The following ZNF860 variants were observed in gnomAD, a reference collection of about 807,000 sequenced individuals.
ZNF860 encodes zinc finger protein 860.
For synonymous variants in ZNF860, 206 were observed against 248.9 expected (o/e 0.83, Z 1.62); for missense variants, 641 against 759.2 (o/e 0.84, Z 1.83).
the ZNF860 span, among the ~76,000 whole-genome samples, chr3:32,002,565 C>T: frequency 6.6e-6 from 1 of 152,142 alleles, no homozygotes; most frequent in African/African-American, 2.4e-5. Context: ...CCAAAAACCC[C>T]TCCTCCAAAG....
downstream of ZNF860, among the ~76,000 whole-genome samples, chr3:31,995,561 G>T (rs998786543): frequency 6.6e-6 from 1 of 152,016 alleles, no homozygotes; most frequent in African/African-American, 2.4e-5. Context: ...ACTTCATATT[G>T]TTCAAACACA....
chr3:31,990,705 A>T lies in ZNF860; in HGVS notation c.1626A>T (p.Glu542Asp). Reference protein sequence around the residue: ...HTGEKPYKCEECDTVFSRKSH... With the variant: ...HTGEKPYKCEDCDTVFSRKSH... ...GAGAGAAACCTTACAAATGTGAAGA[A>T]TGTGACACAGTTTTCAGTCGCAAAT... is the stretch of plus-strand genomic sequence containing the variant. Residue 542 changes from glutamate (E) to aspartate (D), a missense_variant, in exon 2 of 2, where the codon GAA becomes GAT. Physicochemically the swap from Glu to Asp is conservative, Grantham distance 45. Coordinates refer to ENST00000360311, the MANE Select transcript of ZNF860 (RefSeq NM_001137674.3). 1 of 1,614,090 alleles carries T rather than the reference A, an allele frequency of 6.2e-7. No individual in the cohort carries two copies.
the ZNF860 span, among the ~76,000 whole-genome samples, chr3:32,003,238 T>G: frequency 6.6e-6 from 1 of 152,230 alleles, no homozygotes; most frequent in Non-Finnish European, 1.5e-5. Context: ...TGGCTAAGGT[T>G]AGAAAGCACA....
At chr3:31,994,351 A>C (rs1699066177), downstream of ZNF860, among the ~76,000 whole-genome samples, 1 of 152,216 alleles carries the variant, frequency 6.6e-6, no homozygotes, top group African/African-American at 2.4e-5. Context: ...ATAGAAACTC[A>C]TAGACTGTCC....
the ZNF860 span, among the ~76,000 whole-genome samples, chr3:31,997,901 C>T: frequency 6.6e-6 from 1 of 152,148 alleles, no homozygotes; most frequent in African/African-American, 2.4e-5. Context: ...AATCCTCCCA[C>T]CTTAGCCTCC....
intron 1 of ZNF860, among the ~76,000 whole-genome samples, chr3:31,982,576 G>T (rs956755755): frequency 2.6e-5 from 4 of 152,082 alleles, no homozygotes; most frequent in East Asian, 3.9e-4. Context: ...AGAGATGCAC[G>T]GAGAAGCTTC....
Position 31,990,639 on chromosome 3 carries a change from T to A in ZNF860, c.1560T>A (p.Asn520Lys). Residue 520 changes from asparagine to lysine, a missense_variant, in exon 2 of 2, where the codon AAT (asparagine) becomes AAA (lysine). Transcript: ENST00000360311. ...YKCNECGKVF[N>K]QQATLARHHR... ...GTAATGAATGTGGCAAGGTTTTTAATCAACAAGCAACCCTTGCACGTCATC... is the reference window on the plus strand; with the variant it reads ...GTAATGAATGTGGCAAGGTTTTTAAACAACAAGCAACCCTTGCACGTCATC... The A allele has an allele frequency of 6.2e-7, 1 of 1,614,108 alleles. No homozygotes were observed. Among genetic ancestry groups the A allele is most frequent in the Non-Finnish European group, 8.5e-7 (1 of 1,180,002 alleles).
downstream of ZNF860, among the ~76,000 whole-genome samples, chr3:31,996,497 C>CA (rs202233507): frequency 7.9e-6 from 1 of 126,222 alleles, no homozygotes; most frequent in African/African-American, 4.3e-5. Context: ...TATAAATTGC[C>CA]AGGGGGAGAA....
At chr3:31,997,731 T>G in the ZNF860 span, among the ~76,000 whole-genome samples, 2 of 152,070 alleles carry the variant, frequency 1.3e-5, no homozygotes. Context: ...AGTTAGTGCC[T>G]CTTCCTTGTC....
the ZNF860 span, among the ~76,000 whole-genome samples, chr3:32,004,848 T>C: frequency 6.6e-6 from 1 of 152,206 alleles, no homozygotes; most frequent in African/African-American, 2.4e-5. Context: ...TACAGGTGCA[T>C]AAAATTAAGT....
chr3:32,006,373 G>A, the ZNF860 span, among the ~76,000 whole-genome samples: 27 of 152,244 alleles, frequency 1.8e-4, no homozygotes, highest in African/African-American at 6.5e-4. Context: ...TTTTGATGAT[G>A]TAAAAATCTC....
chr3:31,988,854 A>G lies in ZNF860; in HGVS notation c.-226A>G, dbSNP rs890122981. ...GTCAAGCCTTGAGATGACTGCAGCCATGACCCACAGCTTGACTACAACCCA... is the reference window on the plus strand; with the variant it reads ...GTCAAGCCTTGAGATGACTGCAGCCGTGACCCACAGCTTGACTACAACCCA... On this transcript the variant is annotated 5_prime_UTR_variant, in exon 2 of 2. An upstream start codon of the reference 5' UTR is lost. Transcript: ENST00000360311. The G allele has an allele frequency of 1.7e-5, 10 of 595,916 alleles. No homozygotes were observed. The highest frequency in any genetic ancestry group is 2.8e-5 in the East Asian group (1 of 35,198). The allele number at this position is 595,916 out of a possible 1,614,324, so 36.9% of individuals were successfully genotyped here.
chr3:31,991,009 C>G lies in ZNF860; in HGVS notation c.*31C>G. 6.5e-7 allele frequency: 1 copy of G among 1,530,864 alleles called. No individual in the cohort carries two copies. The highest frequency in any genetic ancestry group is 8.8e-7 in the Non-Finnish European group (1 of 1,136,538). The allele number at this position is 1,530,864 out of a possible 1,614,324, so 94.8% of individuals were successfully genotyped here. ...ACTCCTTGCAAAACATCAGAAAATT[C>G]ATTCCTGAGATAATTGTTCCAAATG... On this transcript the variant is annotated 3_prime_UTR_variant, in exon 2 of 2. Transcript: ENST00000360311.
chr3:31,986,329 G>A (rs1410194931), intron 1 of ZNF860: 2 of 152,258 alleles, frequency 1.3e-5, no homozygotes, highest in Non-Finnish European at 2.9e-5. Flanking sequence ...CAAGTCCAGT[G>A]TTCTTGCTGC....
At position 31,989,414 on chromosome 3, in the gene ZNF860, T is replaced by C; in HGVS notation, c.335T>C (p.Phe112Ser). 1.9e-6 allele frequency: 3 copies of C among 1,614,136 alleles called. No homozygotes were observed. Among genetic ancestry groups the C allele is most frequent in the Non-Finnish European group, 2.5e-6 (3 of 1,180,010 alleles). The change falls in exon 2 of 2, where the codon TTT becomes TCT. Residue 112 changes from phenylalanine (F) to serine (S), a missense_variant. Physicochemically the swap from Phe to Ser is radical, Grantham distance 155. Transcript: ENST00000360311. ...FQKIGKDIHD[F>S]EFQWQEDKRN... is the part of the protein sequence containing the mutation. ...AAAATTGGGAAAGATATTCATGACT[T>C]TGAGTTTCAATGGCAAGAAGACAAA...
rs753460657 is a variant in ZNF860, at chr3:31,989,095, G to A, written c.16G>A (p.Ala6Thr). The A allele has an allele frequency of 4.3e-6, 7 of 1,614,082 alleles. No homozygotes were observed. The Admixed American group carries it at 1.0e-4, about 23-fold the overall frequency. ...CTAAAGACTCATGTTACGTGAGGAA[G>A]CAGCTCAGAAGAGGAAAGAAAAGGA... MLREE[A>T]AQKRKEKEPG... The change falls in exon 2 of 2, where the codon GCA becomes ACA. Residue 6 changes from alanine (A) to threonine (T), a missense_variant. Coordinates refer to ENST00000360311, the MANE Select transcript of ZNF860 (RefSeq NM_001137674.3).
downstream of ZNF860, among the ~76,000 whole-genome samples, chr3:31,996,591 A>G (rs1463685213): frequency 2.6e-5 from 4 of 152,226 alleles, no homozygotes; most frequent in Non-Finnish European, 5.9e-5. Context: ...GACCACTTAC[A>G]GAAAATCTCT....
downstream of ZNF860, among the ~76,000 whole-genome samples, chr3:31,992,416 C>T (rs917386857): frequency 6.6e-6 from 1 of 152,038 alleles, no homozygotes; most frequent in Non-Finnish European, 1.5e-5. Flanking sequence ...ATGGGTCTTA[C>T]ATGGTAAAAT....
Position 31,989,873 on chromosome 3 carries a change from A to G in ZNF860, c.794A>G (p.Lys265Arg). 1 of 1,614,194 alleles carries G rather than the reference A, an allele frequency of 6.2e-7. No individual in the cohort carries two copies. The highest frequency in any genetic ancestry group is 8.5e-7 in the Non-Finnish European group (1 of 1,180,026). The part of the protein sequence containing the change: ...GKQYKCDVCG[K>R]VFNQKRYLAC... ...CAATATAAATGTGATGTATGTGGCA[A>G]GGTCTTTAATCAGAAGCGATACCTT... The change falls in exon 2 of 2, where the codon AAG becomes AGG. Residue 265 changes from lysine (K) to arginine (R), a missense_variant. Lys to Arg is a conservative substitution (Grantham distance 26). Coordinates refer to ENST00000360311, the MANE Select transcript of ZNF860 (RefSeq NM_001137674.3).
Sources: gnomAD v4.1 joint callset for allele counts (sites outside exome capture counted in the v4.1 genomes callset) on GRCh38, gnomAD v4.1.1 for gene constraint, MANE v1.5 for transcripts, NCBI Gene and HGNC (gene_info 2026-07-23, HGNC 2026-07-21) for gene names.